PHF2: variants seen among roughly 807,000 people sequenced by gnomAD.
PHF2 encodes lysine-specific demethylase PHF2.
In PHF2, 27 loss-of-function variants were observed where a neutral mutation model predicts 120.5. The observed-to-expected ratio is 0.22, with a 90% CI of 0.17 to 0.31. The LOEUF (loss-of-function observed/expected upper bound fraction) is 0.31. Ranked by LOEUF, PHF2 falls within the 10% of genes least tolerant of loss-of-function variation. The pLI, the probability that PHF2 is intolerant of heterozygous loss-of-function variation, is 1.00. For synonymous variants in PHF2, 568 were observed against 592.5 expected, an observed-to-expected ratio of 0.96 and a Z score of 0.60; for missense variants, 1,024 against 1,434.8, an observed-to-expected ratio of 0.71 and a Z score of 4.63.
intron 1 of PHF2, among the ~76,000 whole-genome samples, chr9:93,612,139 C>T (rs1172265016): frequency 6.6e-6 from 1 of 152,196 alleles, no homozygotes; most frequent in Non-Finnish European, 1.5e-5. Flanking sequence ...TCAGCAAATA[C>T]AGGATTTGTA....
At position 93,665,706 on chromosome 9, in the gene PHF2, C is replaced by A. The variant is rs1413866075; in HGVS notation, c.1958C>A (p.Pro653Gln). ...KLLGSKALRPPTSPGVFGALQ... is the reference protein window; with the variant it reads ...KLLGSKALRPQTSPGVFGALQ... ...CCTAGCTCCAAGGCTCTCAGGCCCC[C>A]GACGAGCCCTGGTGTGTTCGGGGCC... The change falls in exon 15 of 22, where the codon CCG becomes CAG. Residue 653 changes from proline to glutamine, a missense_variant. Physicochemically the swap from Pro to Gln is moderately conservative, Grantham distance 76 (BLOSUM62 -1). Around this residue, in one of 2 missense-constraint regions of PHF2, gnomAD observed 677 missense variants for 857.4 expected, o/e 0.79. Coordinates refer to ENST00000359246, the MANE Select transcript of PHF2 (RefSeq NM_005392.4). 6 of 1,613,834 alleles carry A rather than the reference C, an allele frequency of 3.7e-6. No individual in the cohort carries two copies. Among genetic ancestry groups the A allele is most frequent in the Non-Finnish European group, 5.1e-6 (6 of 1,179,996 alleles).
At chr9:93,607,349 G>T (rs1438496539) in intron 1 of PHF2, among the ~76,000 whole-genome samples, 1 of 151,698 alleles carries the variant, frequency 6.6e-6, no homozygotes, top group African/African-American at 2.4e-5. Flanking sequence ...TCGGCTCACT[G>T]CAACCTCTAC....
At chr9:93,577,920 C>G (rs1314106232) in intron 1 of PHF2, among the ~76,000 whole-genome samples, 1 of 152,208 alleles carries the variant, frequency 6.6e-6, no homozygotes, top group Non-Finnish European at 1.5e-5. Context: ...GGACCCGGGG[C>G]TGGCCAGGGC....
intron 20 of PHF2, among the ~76,000 whole-genome samples, chr9:93,676,163 T>TA (rs1826907492): frequency 6.6e-6 from 1 of 152,166 alleles, no homozygotes; most frequent in South Asian, 2.1e-4. Context: ...TACATGCTCC[T>TA]AAAAATCTCA....
chr9:93,608,307 A>AT (rs1304593018), intron 1 of PHF2, among the ~76,000 whole-genome samples: 1 of 147,104 alleles, frequency 6.8e-6, no homozygotes, highest in African/African-American at 2.5e-5. Flanking sequence ...TGGGCAATAG[A>AT]TTGAGACACT....
At position 93,576,742 on chromosome 9, in the gene PHF2, G is replaced by T. The variant is rs771769933; in HGVS notation, c.-32G>T. On this transcript the variant is annotated 5_prime_UTR_variant, in exon 1 of 22. Transcript: ENST00000359246. ...CCCGGACCGACCCGGGCAGCGCAGC[G>T]GCGGGGCCGAGCGGCGGCGCGGCGC... is the stretch of plus-strand genomic sequence containing the variant. 1 of 1,113,510 alleles carries T rather than the reference G, an allele frequency of 9.0e-7. No homozygotes were observed. Among genetic ancestry groups the T allele is most frequent in the Non-Finnish European group, 1.1e-6 (1 of 881,156 alleles). The allele number at this position is 1,113,510 out of a possible 1,614,324, so 69.0% of individuals were successfully genotyped here. A position where few individuals can be genotyped will look rare whatever the true frequency, so the allele number is the denominator to read the frequency against.
At chr9:93,623,814 G>A (rs1355316102) in intron 1 of PHF2, among the ~76,000 whole-genome samples, 1 of 152,204 alleles carries the variant, frequency 6.6e-6, no homozygotes, top group African/African-American at 2.4e-5. Context: ...AATTTGCCAA[G>A]ATCTTTTTCT....
At chr9:93,588,161 G>GTT (rs1863094353) in intron 1 of PHF2, among the ~76,000 whole-genome samples, 1 of 152,206 alleles carries the variant, frequency 6.6e-6, no homozygotes, top group Non-Finnish European at 1.5e-5. Context: ...CTGCGGACCT[G>GTT]TTTATCTCAG....
chr9:93,590,688 G>A (rs935984297), intron 1 of PHF2, among the ~76,000 whole-genome samples: 12 of 152,206 alleles, frequency 7.9e-5, no homozygotes, highest in Admixed American at 1.3e-4. Flanking sequence ...TTACATCTCC[G>A]TGGCAGGAGC....
At chr9:93,616,988 A>G (rs1825740336) in intron 1 of PHF2, among the ~76,000 whole-genome samples, 1 of 152,156 alleles carries the variant, frequency 6.6e-6, no homozygotes, top group Non-Finnish European at 1.5e-5. Flanking sequence ...ATTAGGTTCA[A>G]AAATTATGGT....
intron 1 of PHF2, among the ~76,000 whole-genome samples, chr9:93,609,933 G>A (rs1380320019): frequency 6.6e-6 from 1 of 152,188 alleles, no homozygotes; most frequent in African/African-American, 2.4e-5. Context: ...TTGACCTCGT[G>A]ATCTGCCTGC....
intron 1 of PHF2, among the ~76,000 whole-genome samples, chr9:93,596,925 ATTTTTT>A (rs1158735768): frequency 0.053 from 4,670 of 88,556 alleles, 131 homozygotes; most frequent in East Asian, 0.14. Flanking sequence ...CGCCCAGCTA[ATTTTTT>A]TTTTTTTTTT....
intron 4 of PHF2, 122 bp downstream of exon 4, chr9:93,645,911 C>T (rs1389248271): frequency 9.0e-7 from 1 of 1,113,716 alleles, no homozygotes; most frequent in Non-Finnish European, 1.2e-6. Flanking sequence ...GCAGTGGAGC[C>T]TCAAGGCTCA....
intron 12 of PHF2, among the ~76,000 whole-genome samples, 184 bp from the exon 13 acceptor site, chr9:93,662,719 AATGG>A (rs149000761): frequency 4.6e-5 from 7 of 151,326 alleles, no homozygotes; most frequent in African/African-American, 7.3e-5. Flanking sequence ...TGAATGAATA[AATGG>A]ATGGATGGAT....
At chr9:93,655,556 T>G (rs1826444127) in intron 7 of PHF2, among the ~76,000 whole-genome samples, 1 of 152,210 alleles carries the variant, frequency 6.6e-6, no homozygotes, top group African/African-American at 2.4e-5. Context: ...GGACACAGAC[T>G]GGGGCTTCCT....
At chr9:93,580,438 G>C (rs1274738897) in intron 1 of PHF2, among the ~76,000 whole-genome samples, 1 of 152,180 alleles carries the variant, frequency 6.6e-6, no homozygotes, top group Non-Finnish European at 1.5e-5. Flanking sequence ...GCCGTACACT[G>C]TGTTCCCTTG....
intron 1 of PHF2, among the ~76,000 whole-genome samples, chr9:93,580,318 C>T (rs1419778210): frequency 1.3e-5 from 2 of 152,188 alleles, no homozygotes; most frequent in Middle Eastern, 3.2e-3. Flanking sequence ...CGGTTGCCTT[C>T]GGAGGTGTCT....
At chr9:93,634,183 A>G (rs1426253243) in intron 2 of PHF2, among the ~76,000 whole-genome samples, 1 of 152,016 alleles carries the variant, frequency 6.6e-6, no homozygotes, top group Admixed American at 6.5e-5. Flanking sequence ...AAGGCCTTCC[A>G]AGGCAGGGAA....
chr9:93,580,446 T>G (rs1336990437), intron 1 of PHF2, among the ~76,000 whole-genome samples: 1 of 152,216 alleles, frequency 6.6e-6, no homozygotes, highest in Non-Finnish European at 1.5e-5. Flanking sequence ...CTGTGTTCCC[T>G]TGTGCCTGTG....
Sources: allele counts gnomAD v4.1 joint callset (sites outside exome capture counted in the v4.1 genomes callset), GRCh38; gene constraint gnomAD v4.1.1; regional missense constraint gnomAD v4.1.1; transcripts MANE v1.5; gene names NCBI Gene and HGNC (gene_info 2026-07-23, HGNC 2026-07-21).